Variants in JAKMIP1 observed in about 807,000 individuals in gnomAD.
JAKMIP1 encodes janus kinase and microtubule-interacting protein 1.
JAKMIP1 carries 33 observed loss-of-function variants against 113.0 expected under a neutral mutation model. That is an observed-to-expected ratio of 0.29 (90% confidence interval 0.22 to 0.39). The LOEUF is 0.39. Among genes scored for constraint, JAKMIP1 ranks in the 10% least tolerant of loss-of-function variants. The pLI, the probability that JAKMIP1 is intolerant of heterozygous loss-of-function variation, is 1.00. For missense variants in JAKMIP1, 813 were observed against 1,080.5 expected (o/e 0.75, Z 3.47); for synonymous variants, 480 against 459.9 (o/e 1.04, Z -0.56).
rs1715859556 is a variant in JAKMIP1 at position 6,116,820 on chromosome 4, G to A, written c.-147-3823C>T. On this transcript the variant is annotated intron_variant, in intron 1 of 20. Transcript: ENST00000409021. This position sits in a 1 kb window ranked among gnomAD's most constrained non-coding sequence, Gnocchi z 5.1. ...ATAAAACAATGATGGCTTGTGGTAG[G>A]TGCTGGAAAGAACAAGTCTACAGGG... 6.6e-6 allele frequency among the ~76,000 whole-genome samples: 1 copy of A among 152,192 alleles called. No homozygotes were observed. Among genetic ancestry groups the A allele is most frequent in the South Asian group, 2.1e-4 (1 of 4,832 alleles).
At chr4:6,082,182 G>C (rs1298438455) in intron 5 of JAKMIP1, among the ~76,000 whole-genome samples, 1 of 152,050 alleles carries the variant, frequency 6.6e-6, no homozygotes, top group Non-Finnish European at 1.5e-5. Flanking sequence ...CAAAGAAAGT[G>C]CCAAGAATGC....
At chr4:6,172,613 G>C (rs980381564) in intron 1 of JAKMIP1, among the ~76,000 whole-genome samples, 1 of 152,186 alleles carries the variant, frequency 6.6e-6, no homozygotes, top group Non-Finnish European at 1.5e-5. Flanking sequence ...AATCAGCCAG[G>C]GGATGGGAGC....
chr4:6,084,666 T>C (rs982970647), intron 5 of JAKMIP1, among the ~76,000 whole-genome samples, 180 bp downstream of exon 5: 1 of 152,166 alleles, frequency 6.6e-6, no homozygotes, highest in African/African-American at 2.4e-5. Flanking sequence ...CAAAAACAAA[T>C]GGCAGTAAGA....
rs1395412910 is a variant in JAKMIP1, at chr4:6,140,079, T to C, written c.-147-27082A>G. Among the ~76,000 whole-genome samples, 1 of 152,100 alleles carries C rather than the reference T, an allele frequency of 6.6e-6. No individual in the cohort carries two copies. Among genetic ancestry groups the C allele is most frequent in the Non-Finnish European group, 1.5e-5 (1 of 68,022 alleles). On this transcript the variant is annotated intron_variant, in intron 1 of 20. Coordinates refer to ENST00000409021, the MANE Select transcript of JAKMIP1 (RefSeq NM_001099433.2). This position sits in a 1 kb window ranked among gnomAD's most constrained non-coding sequence, Gnocchi z 9.4. ...ACAGCGGCCCTAGGAAACGAATATA[T>C]TTATTAGATGGATTGAGATGTACTG...
rs771877361 is a variant in JAKMIP1 at position 6,194,110 on chromosome 4, G to A, written c.-148+6143C>T. 5.3e-5 allele frequency among the ~76,000 whole-genome samples: 8 copies of A among 151,982 alleles called. No individual in the cohort carries two copies. Among genetic ancestry groups the A allele is most frequent in the Non-Finnish European group, 1.0e-4 (7 of 68,018 alleles). Reference sequence around the variant, plus strand: ...GAACAGGCAAATCCAAGGAGACAGAGGGCAGATGGATGGATGCCGGGGCTG... The same window carrying A: ...GAACAGGCAAATCCAAGGAGACAGAAGGCAGATGGATGGATGCCGGGGCTG... On this transcript the variant is annotated intron_variant, in intron 1 of 20. Coordinates refer to ENST00000409021, the MANE Select transcript of JAKMIP1 (RefSeq NM_001099433.2). This position sits in a 1 kb window ranked among gnomAD's most constrained non-coding sequence, Gnocchi z 7.4.
At position 6,137,923 on chromosome 4, in the gene JAKMIP1, C is replaced by A. The variant is rs769994359; in HGVS notation, c.-147-24926G>T. Among the ~76,000 whole-genome samples the A allele has an allele frequency of 6.6e-6, 1 of 152,098 alleles. No individual in the cohort carries two copies. Among genetic ancestry groups the A allele is most frequent in the South Asian group, 2.1e-4 (1 of 4,820 alleles). On this transcript the variant is annotated intron_variant, in intron 1 of 20. Coordinates refer to ENST00000409021, the MANE Select transcript of JAKMIP1 (RefSeq NM_001099433.2). This position sits in a 1 kb window ranked among gnomAD's most constrained non-coding sequence, Gnocchi z 4.5. Reference sequence around the variant, plus strand: ...GCCTGGCAGACAAGGTGTGCTCTGGCGTTGGGGGTCCCACCATGGCCTTCT... The same window carrying A: ...GCCTGGCAGACAAGGTGTGCTCTGGAGTTGGGGGTCCCACCATGGCCTTCT...
At chr4:6,046,162 A>C (rs765525283) in intron 16 of JAKMIP1, among the ~76,000 whole-genome samples, 1 of 152,140 alleles carries the variant, frequency 6.6e-6, no homozygotes, top group Non-Finnish European at 1.5e-5. Context: ...TCCCAGGCAA[A>C]GCAGACTGTC....
rs1715697751 is a variant in JAKMIP1 at position 6,051,842 on chromosome 4, A to G, written c.1807-1163T>C. ...TTCCTGCACAGAATGGACTTTAAAC[A>G]CTTTAGCGATGGACAGATTTGTCAT... On this transcript the variant is annotated intron_variant, in intron 13 of 20. Transcript: ENST00000409021. The surrounding 1 kb of genome is among the most constrained non-coding windows in gnomAD (Gnocchi z 5.0). Among the ~76,000 whole-genome samples, 1 of 152,340 alleles carries G rather than the reference A, an allele frequency of 6.6e-6. No individual in the cohort carries two copies. Among genetic ancestry groups the G allele is most frequent in the African/African-American group, 2.4e-5 (1 of 41,582 alleles).
intron 2 of JAKMIP1, among the ~76,000 whole-genome samples, chr4:6,109,124 C>CT (rs71173408): frequency 0.079 from 7,649 of 96,888 alleles, 1,200 homozygotes; most frequent in Non-Finnish European, 0.11. Context: ...CCTGGGGCAC[C>CT]TTTTTTTTTT....
Position 6,187,741 on chromosome 4 carries a change from T to C in JAKMIP1, c.-148+12512A>G, listed in dbSNP as rs75539042. On this transcript the variant is annotated intron_variant, in intron 1 of 20. Coordinates refer to ENST00000409021, the MANE Select transcript of JAKMIP1 (RefSeq NM_001099433.2). The surrounding 1 kb of genome is among the most constrained non-coding windows in gnomAD (Gnocchi z 4.2). ...CTATCCAGTCTAAGGTGTTTTGTTA[T>C]AGCAGCCTGAAAGGACCAAGATAGC... 0.011 allele frequency among the ~76,000 whole-genome samples: 1,620 copies of C among 152,370 alleles called. 28 individuals are homozygous for C. The highest frequency in any genetic ancestry group is 0.035 in the African/African-American group (1,476 of 41,594).
intron 19 of JAKMIP1, 135 bp from the exon 20 acceptor site, chr4:6,029,916 A>G: frequency 3.0e-6 from 2 of 670,698 alleles, no homozygotes; most frequent in Non-Finnish European, 5.3e-6. Flanking sequence ...GAGCTCTGAT[A>G]CATGCACAAG....
intron 1 of JAKMIP1, among the ~76,000 whole-genome samples, chr4:6,124,529 C>T (rs1446268496): frequency 6.6e-6 from 1 of 152,248 alleles, no homozygotes; most frequent in African/African-American, 2.4e-5. Context: ...CCTTGCCTGT[C>T]TGCATTCGTG....
intron 3 of JAKMIP1, among the ~76,000 whole-genome samples, chr4:6,095,881 T>C (rs778290561): frequency 2.0e-5 from 3 of 151,966 alleles, no homozygotes; most frequent in Non-Finnish European, 2.9e-5. Context: ...TGGATCCTAG[T>C]AGGGGAAAAC....
In JAKMIP1 at chr4:6,061,727, T is replaced by C. The variant is rs990123722; in HGVS notation, c.1560+585A>G. 6.6e-6 allele frequency among the ~76,000 whole-genome samples: 1 copy of C among 152,028 alleles called. No homozygotes were observed. Among genetic ancestry groups the C allele is most frequent in the Admixed American group, 6.6e-5 (1 of 15,266 alleles). ...GATGCAGGGAAGCACCCGTGTGTGC[T>C]CTCCGGGAGTCCTCCACACTCCCAG... On this transcript the variant is annotated intron_variant, in intron 10 of 20. Transcript: ENST00000409021. The surrounding 1 kb of genome is among the most constrained non-coding windows in gnomAD (Gnocchi z 5.3).
At chr4:6,030,371 G>C (rs1357109912) in intron 19 of JAKMIP1, among the ~76,000 whole-genome samples, 1 of 152,124 alleles carries the variant, frequency 6.6e-6, no homozygotes, top group Non-Finnish European at 1.5e-5. Context: ...GGTTTGCCCA[G>C]GACTTTCCTG....
At position 6,112,637 on chromosome 4, in the gene JAKMIP1, G is replaced by C. The variant is rs562799176; in HGVS notation, c.129+85C>G. 4.0e-4 allele frequency: 605 copies of C among 1,511,360 alleles called. 2 individuals carry two copies. The African/African-American group carries it at 7.5e-3, about 19-fold the overall frequency. 93.6% of individuals were successfully genotyped at this position (1,511,360 alleles called of 1,614,324 possible). A position where few individuals can be genotyped will look rare whatever the true frequency, so the allele number is the denominator to read the frequency against. On this transcript the variant is annotated intron_variant, in intron 2 of 20. Coordinates refer to ENST00000409021, the MANE Select transcript of JAKMIP1 (RefSeq NM_001099433.2). ...CCCCTCGGCCCCCCTCCTGGAACAGGCTCTTCACACACATGCCTCAGAGGC... is the reference window on the plus strand; with the variant it reads ...CCCCTCGGCCCCCCTCCTGGAACAGCCTCTTCACACACATGCCTCAGAGGC...
At chr4:6,096,507 T>A (rs943624673) in intron 3 of JAKMIP1, among the ~76,000 whole-genome samples, 2 of 152,218 alleles carry the variant, frequency 1.3e-5, no homozygotes, top group African/African-American at 2.4e-5. Flanking sequence ...AATACTCTGT[T>A]GAGGAAACTG....
At chr4:6,121,008 C>T (rs1023165995) in intron 1 of JAKMIP1, among the ~76,000 whole-genome samples, 7 of 151,900 alleles carry the variant, frequency 4.6e-5, no homozygotes, top group Admixed American at 1.3e-4. Flanking sequence ...AAGACCAGCC[C>T]GGCCAACATG....
At position 6,184,138 on chromosome 4, in the gene JAKMIP1, A is replaced by G. The variant is rs1325741282; in HGVS notation, c.-148+16115T>C. Among the ~76,000 whole-genome samples, 1 of 152,238 alleles carries G rather than the reference A, an allele frequency of 6.6e-6. No individual in the cohort carries two copies. The highest frequency in any genetic ancestry group is 2.4e-5 in the African/African-American group (1 of 41,458). Reference sequence around the variant, plus strand: ...TATATTGGAGCAGGGTGGTTTAGCTATGTAAAAATTTTATTTTTGAAAAGA... The same window carrying G: ...TATATTGGAGCAGGGTGGTTTAGCTGTGTAAAAATTTTATTTTTGAAAAGA... On this transcript the variant is annotated intron_variant, in intron 1 of 20. Transcript: ENST00000409021. The surrounding 1 kb of genome is among the most constrained non-coding windows in gnomAD (Gnocchi z 4.5).
Sources: gnomAD v4.1 joint callset for allele counts (sites outside exome capture counted in the v4.1 genomes callset) on GRCh38, gnomAD v4.1.1 for gene constraint, Gnocchi (gnomAD v3.1) non-coding constraint, MANE v1.5 for transcripts, NCBI Gene and HGNC (gene_info 2026-07-23, HGNC 2026-07-21) for gene names.